The following ARHGEF11 variants were observed in gnomAD, a reference collection of about 807,000 sequenced individuals.
The protein encoded by ARHGEF11 is Rho guanine exchange factor (GEF) 11.
ARHGEF11 carries 55 observed loss-of-function variants against 193.7 expected under a neutral mutation model. The observed-to-expected ratio is 0.28, with a 90% CI of 0.23 to 0.36. ARHGEF11 has a LOEUF of 0.36. ARHGEF11 is among the 10% of genes least tolerant of loss of function. The pLI is 1.00. For synonymous variants in ARHGEF11, 693 were observed against 768.0 expected, an observed-to-expected ratio of 0.90 and a Z score of 1.62; for missense variants, 1,723 against 2,005.6, an observed-to-expected ratio of 0.86 and a Z score of 2.69.
At chr1:156,979,074 A>T (rs1230438648) in intron 5 of ARHGEF11, among the ~76,000 whole-genome samples, 155 bp downstream of exon 5, 1 of 152,186 alleles carries the variant, frequency 6.6e-6, no homozygotes, top group Non-Finnish European at 1.5e-5. Flanking sequence ...ACTTAAGTGG[A>T]TCACTCCATG....
chr1:156,961,096 C>G (rs960807792), intron 14 of ARHGEF11, among the ~76,000 whole-genome samples: 8 of 152,258 alleles, frequency 5.3e-5, no homozygotes, highest in South Asian at 2.1e-4. Flanking sequence ...TGGAATTAGT[C>G]TAGTTGATCA....
At chr1:157,031,136 GA>G (rs1671259934) in intron 1 of ARHGEF11, among the ~76,000 whole-genome samples, 2 of 152,172 alleles carry the variant, frequency 1.3e-5, no homozygotes, top group African/African-American at 4.8e-5. Context: ...CCAGCAGAGT[GA>G]AAGTTCCAGT....
chr1:156,971,080 G>T (rs1386246364), intron 8 of ARHGEF11, among the ~76,000 whole-genome samples: 3 of 152,188 alleles, frequency 2.0e-5, no homozygotes, highest in Non-Finnish European at 4.4e-5. Flanking sequence ...TAAAGTTTCT[G>T]GAGAGTTACT....
At chr1:157,035,885 ATATATAGGAATATATATATATGAATC>A (rs1671907692) in intron 1 of ARHGEF11, among the ~76,000 whole-genome samples, 1 of 130,040 alleles carries the variant, frequency 7.7e-6, no homozygotes, top group South Asian at 2.4e-4. Flanking sequence ...ATATAGGAAT[ATATATAGGAATATATATATATGAATC>A]TATATATAGG....
rs145156059 is a variant in ARHGEF11 at position 156,999,306 on chromosome 1, A to G, written c.33-13133T>C. Among the ~76,000 whole-genome samples the G allele has an allele frequency of 1.4e-4, 21 of 152,314 alleles. No individual in the cohort carries two copies. In the East Asian group the frequency reaches 4.0e-3, roughly 29 times the overall value. On this transcript the variant is annotated intron_variant, in intron 1 of 40. Transcript: ENST00000368194. ...GCCCCAGGCCATACAGCTATTAAAT[A>G]GTAGAGCCAGGACACAAGTTCAAGT...
intron 8 of ARHGEF11, among the ~76,000 whole-genome samples, chr1:156,970,457 T>G (rs1264352730): frequency 3.3e-5 from 5 of 152,194 alleles, no homozygotes; most frequent in Non-Finnish European, 7.3e-5. Context: ...ACTGAGCTAG[T>G]GGGATGTGAA....
At chr1:156,936,493 AAAAAATATATATAT>A (rs1265988932) in intron 40 of ARHGEF11, among the ~76,000 whole-genome samples, 4 of 62,420 alleles carry the variant, frequency 6.4e-5, no homozygotes, top group Admixed American at 3.7e-4. Context: ...AAAAAAAAAA[AAAAAATATATATAT>A]ATATATATAT....
In ARHGEF11 at chr1:156,935,977, A is replaced by G. The variant is rs1256188132; in HGVS notation, c.*23T>C. 1.2e-5 allele frequency: 19 copies of G among 1,605,562 alleles called. No individual in the cohort carries two copies. In the South Asian group the frequency reaches 2.0e-4, roughly 17 times the overall value. Reference sequence around the variant, plus strand: ...GTCCCTGAAGGAGGAGTGGGGACGCAGAGGATTTGGTGGTTTGTACGGTTA... The same window carrying G: ...GTCCCTGAAGGAGGAGTGGGGACGCGGAGGATTTGGTGGTTTGTACGGTTA... On this transcript the variant is annotated 3_prime_UTR_variant, in exon 41 of 41. Coordinates refer to ENST00000368194, the MANE Select transcript of ARHGEF11 (RefSeq NM_198236.3).
chr1:156,986,153 AGAG>A lies in ARHGEF11; in HGVS notation c.50_52del (p.Ser17del), dbSNP rs1664888885. On this transcript the variant is annotated inframe_deletion, in exon 2 of 41. Transcript: ENST00000368194. ...CTTGCGCTCTGGTGCAGAATCTCCC[AGAG>A]AAGACAGGCTACTTAACCTGGAGAA... The A allele has an allele frequency of 6.2e-7, 1 of 1,613,920 alleles. No homozygotes were observed. The highest frequency in any genetic ancestry group is 8.5e-7 in the Non-Finnish European group (1 of 1,179,846).
At chr1:156,965,365 T>C (rs1571278894) in intron 11 of ARHGEF11, among the ~76,000 whole-genome samples, 1 of 152,142 alleles carries the variant, frequency 6.6e-6, no homozygotes, top group South Asian at 2.1e-4. Context: ...GCGGCTAGGA[T>C]AGGAAAGAGC....
In ARHGEF11 at chr1:156,971,767, T is replaced by A. The variant is rs1662514097; in HGVS notation, c.632A>T (p.Gln211Leu). The A allele has an allele frequency of 6.2e-7, 1 of 1,613,942 alleles. No individual in the cohort carries two copies. The highest frequency in any genetic ancestry group is 1.1e-5 in the South Asian group (1 of 91,076). ...SRNPASLLEEQIEGARRRVTQ... is the reference protein window; with the variant it reads ...SRNPASLLEELIEGARRRVTQ... Reference sequence around the variant, plus strand: ...GACTCGCCGCCGGGCACCTTCGATCTGCTCTTCCAGTAGGCTGGCGGGGTT... The same window carrying A: ...GACTCGCCGCCGGGCACCTTCGATCAGCTCTTCCAGTAGGCTGGCGGGGTT... Residue 211 changes from glutamine to leucine, a missense_variant, in exon 8 of 41, where the codon CAG (glutamine) becomes CTG (leucine). Coordinates refer to ENST00000368194, the MANE Select transcript of ARHGEF11 (RefSeq NM_198236.3).
chr1:156,969,197 T>C (rs1662168373), intron 10 of ARHGEF11, 85 bp downstream of exon 10: 2 of 1,120,404 alleles, frequency 1.8e-6, no homozygotes, highest in Non-Finnish European at 1.3e-6. Context: ...GAGGCCTCAG[T>C]GCAGCTGGTA....
chr1:157,015,114 C>A (rs892734529), intron 1 of ARHGEF11, among the ~76,000 whole-genome samples: 2 of 152,220 alleles, frequency 1.3e-5, no homozygotes, highest in African/African-American at 4.8e-5. Context: ...TCTTCCTTTT[C>A]TCTGACCACA....
upstream of ARHGEF11, among the ~76,000 whole-genome samples, chr1:157,045,789 C>G (rs1673258348): frequency 6.6e-6 from 1 of 150,896 alleles, no homozygotes; most frequent in Non-Finnish European, 1.5e-5. Context: ...CCTTCCCCCT[C>G]GGTTCGCCGC....
intron 1 of ARHGEF11, among the ~76,000 whole-genome samples, chr1:156,996,196 T>C (rs1228633750): frequency 6.6e-6 from 1 of 152,216 alleles, no homozygotes; most frequent in Non-Finnish European, 1.5e-5. Context: ...TTTAAGCTCC[T>C]AAATTCTTCA....
intron 28 of ARHGEF11, 76 bp from the exon 29 acceptor site, chr1:156,946,238 G>A: frequency 8.1e-7 from 1 of 1,239,382 alleles, no homozygotes; most frequent in Non-Finnish European, 1.2e-6. Flanking sequence ...GGGCCAAGAT[G>A]GGTGTGAACA....
At chr1:157,010,889 C>T (rs1025250168) in intron 1 of ARHGEF11, among the ~76,000 whole-genome samples, 18 of 152,082 alleles carry the variant, frequency 1.2e-4, no homozygotes, top group African/African-American at 3.9e-4. Flanking sequence ...GAAAAGACAT[C>T]CATGTTTACA....
chr1:157,022,195 C>A (rs537976220), intron 1 of ARHGEF11, among the ~76,000 whole-genome samples: 7 of 152,028 alleles, frequency 4.6e-5, no homozygotes, highest in African/African-American at 1.4e-4. Context: ...GGAAATTAGA[C>A]AAGAAAAAGA....
At chr1:157,001,766 T>C (rs1171630043) in intron 1 of ARHGEF11, among the ~76,000 whole-genome samples, 1 of 152,208 alleles carries the variant, frequency 6.6e-6, no homozygotes, top group African/African-American at 2.4e-5. Flanking sequence ...TTACACTCTT[T>C]CTACTGAATT....
Sources: gnomAD v4.1 joint callset for allele counts (sites outside exome capture counted in the v4.1 genomes callset) on GRCh38, gnomAD v4.1.1 for gene constraint, MANE v1.5 for transcripts, NCBI Gene and HGNC (gene_info 2026-07-23, HGNC 2026-07-21) for gene names.